The following FAF1 variants were observed in gnomAD, a reference collection of about 807,000 sequenced individuals.
FAF1 encodes the protein Fas associated factor 1.
FAF1 carries 25 observed loss-of-function variants against 92.5 expected under a neutral mutation model. The observed-to-expected ratio is 0.27, with a 90% CI of 0.20 to 0.38. The LOEUF is 0.38. Ranked by LOEUF, FAF1 falls within the 10% of genes least tolerant of loss-of-function variation. The probability of loss-of-function intolerance (pLI) is 1.00; values close to 1 mark genes in which losing one functional copy is unlikely to be tolerated. For synonymous variants in FAF1, 234 were observed against 273.2 expected, an observed-to-expected ratio of 0.86 and a Z score of 1.42; for missense variants, 636 against 793.3, an observed-to-expected ratio of 0.80 and a Z score of 2.38.
At chr1:50,630,142 AATT>A (rs1653703951) in intron 8 of FAF1, among the ~76,000 whole-genome samples, 1 of 152,176 alleles carries the variant, frequency 6.6e-6, no homozygotes, top group Non-Finnish European at 1.5e-5. Context: ...TCCTGTTACT[AATT>A]ATTTATTAAT....
At chr1:50,447,188 C>G (rs930924291) in intron 18 of FAF1, among the ~76,000 whole-genome samples, 4 of 142,848 alleles carry the variant, frequency 2.8e-5, no homozygotes, top group Admixed American at 1.5e-4. Flanking sequence ...TGCAGGGGCA[C>G]GATCTCGGCT....
At chr1:50,777,727 C>G (rs779542680) in intron 4 of FAF1, among the ~76,000 whole-genome samples, 3 of 148,190 alleles carry the variant, frequency 2.0e-5, no homozygotes, top group Non-Finnish European at 4.4e-5. Context: ...AACTTTGGAA[C>G]CTGAATTCAT....
chr1:50,753,458 T>C (rs975652799), intron 4 of FAF1, among the ~76,000 whole-genome samples: 1 of 152,228 alleles, frequency 6.6e-6, no homozygotes, highest in African/African-American at 2.4e-5. Flanking sequence ...AACAATAATG[T>C]ACACGTCTTT....
At chr1:50,883,687 T>A (rs1344810647) in intron 1 of FAF1, among the ~76,000 whole-genome samples, 1 of 152,096 alleles carries the variant, frequency 6.6e-6, no homozygotes, top group African/African-American at 2.4e-5. Flanking sequence ...AACCATCAAA[T>A]GTAATATACA....
intron 7 of FAF1, among the ~76,000 whole-genome samples, chr1:50,690,289 T>C (rs1013039787): frequency 2.0e-5 from 3 of 151,994 alleles, no homozygotes; most frequent in African/African-American, 7.2e-5. Context: ...CCCGGCAAAT[T>C]ACATTATATT....
chr1:50,739,240 A>C (rs1276475243), intron 5 of FAF1, among the ~76,000 whole-genome samples: 1 of 151,888 alleles, frequency 6.6e-6, no homozygotes, highest in Non-Finnish European at 1.5e-5. Context: ...GCATACATAT[A>C]TATGTGTGTC....
chr1:50,919,847 T>C (rs920672345), intron 1 of FAF1, among the ~76,000 whole-genome samples: 1 of 152,084 alleles, frequency 6.6e-6, no homozygotes. Flanking sequence ...AAGTAAACCA[T>C]GTATGTTGTA....
chr1:50,496,322 C>T (rs1572785218), intron 15 of FAF1, among the ~76,000 whole-genome samples: 3 of 152,186 alleles, frequency 2.0e-5, no homozygotes, highest in Admixed American at 2.0e-4. Context: ...GAGATACAGA[C>T]CAAGATAACC....
At chr1:50,839,303 C>T (rs1644237876) in intron 2 of FAF1, among the ~76,000 whole-genome samples, 3 of 152,068 alleles carry the variant, frequency 2.0e-5, no homozygotes, top group African/African-American at 4.8e-5. Context: ...ACCCCAACAC[C>T]AAGCAAATGG....
At chr1:50,485,164 TTGC>T (rs1646749739) in intron 17 of FAF1, among the ~76,000 whole-genome samples, 1 of 151,918 alleles carries the variant, frequency 6.6e-6, no homozygotes, top group Non-Finnish European at 1.5e-5. Context: ...TCTTGCCATG[TTGC>T]TCTGGCTGGC....
chr1:50,849,760 T>A (rs1404811315), intron 2 of FAF1, among the ~76,000 whole-genome samples: 1 of 152,198 alleles, frequency 6.6e-6, no homozygotes, highest in East Asian at 1.9e-4. Context: ...AATGCCAACA[T>A]GTTGGTAACA....
At chr1:50,519,721 G>A (rs1013454572) in intron 15 of FAF1, among the ~76,000 whole-genome samples, 1 of 152,174 alleles carries the variant, frequency 6.6e-6, no homozygotes, top group Non-Finnish European at 1.5e-5. Flanking sequence ...TAATTATGAT[G>A]TGTGTTATTG....
At position 50,944,958 on chromosome 1, in the gene FAF1, G is replaced by A. The variant is rs146621760; in HGVS notation, c.45+14809C>T. On this transcript the variant is annotated intron_variant, in intron 1 of 18. Coordinates refer to ENST00000396153, the MANE Select transcript of FAF1 (RefSeq NM_007051.3). The stretch of plus-strand genomic sequence containing the variant: ...ACGAGATAATCCTTTTCTGGGGACA[G>A]CTACAATCAGTGGCAAAACTGGCTT... Among the ~76,000 whole-genome samples, 979 of 152,028 alleles carry A rather than the reference G, an allele frequency of 6.4e-3. 18 individuals are homozygous for A. Among genetic ancestry groups the A allele is most frequent in the African/African-American group, 0.023 (936 of 41,342 alleles).
chr1:50,952,163 G>A (rs1214692503), intron 1 of FAF1, among the ~76,000 whole-genome samples: 1 of 152,220 alleles, frequency 6.6e-6, no homozygotes, highest in Non-Finnish European at 1.5e-5. Context: ...GCCCAGCCGA[G>A]GCTGGACTGG....
intron 15 of FAF1, among the ~76,000 whole-genome samples, chr1:50,500,623 G>A (rs1272517927): frequency 6.6e-6 from 1 of 151,956 alleles, no homozygotes; most frequent in Non-Finnish European, 1.5e-5. Context: ...TGACCCAAAA[G>A]CATGATACAT....
chr1:50,927,777 G>C (rs1175251666), intron 1 of FAF1, among the ~76,000 whole-genome samples: 1 of 152,116 alleles, frequency 6.6e-6, no homozygotes, highest in Admixed American at 6.5e-5. Flanking sequence ...GGTGTCAGCA[G>C]TTTGCGTGTC....
intron 1 of FAF1, among the ~76,000 whole-genome samples, chr1:50,956,169 A>G (rs763220420): frequency 6.6e-6 from 1 of 151,440 alleles, no homozygotes; most frequent in African/African-American, 2.4e-5. Context: ...TTGTACCACA[A>G]TTTTTTTTTC....
intron 2 of FAF1, among the ~76,000 whole-genome samples, chr1:50,845,138 T>C (rs891383394): frequency 3.3e-5 from 5 of 151,818 alleles, no homozygotes; most frequent in African/African-American, 1.2e-4. Context: ...AAAAGAAAAA[T>C]CTCTTTAGAT....
In FAF1 at chr1:50,960,119, G is replaced by T; in HGVS notation, c.-308C>A. 2.6e-6 allele frequency: 1 copy of T among 381,006 alleles called. No individual in the cohort carries two copies. The allele number at this position is 381,006 out of a possible 1,614,324, so 23.6% of individuals were successfully genotyped here. A position where few individuals can be genotyped will look rare whatever the true frequency, so the allele number is the denominator to read the frequency against. ...TCTTACAGTCGCGGGCCAGGATGAG[G>T]GCAGGTTGCGACAGCGCGCACCCGG... On this transcript the variant is annotated 5_prime_UTR_variant, in exon 1 of 19. Transcript: ENST00000396153.
Sources: allele counts gnomAD v4.1 joint callset (sites outside exome capture counted in the v4.1 genomes callset), GRCh38; gene constraint gnomAD v4.1.1; transcripts MANE v1.5; gene names NCBI Gene and HGNC (gene_info 2026-07-23, HGNC 2026-07-21).